The following MTOR variants were observed in gnomAD, a reference collection of about 807,000 sequenced individuals.
The protein encoded by MTOR is mechanistic target of rapamycin kinase.
A neutral mutation model predicts 319.8 loss-of-function variants in MTOR; 70 were observed. The ratio of observed to expected loss-of-function variants is 0.22; its 90% CI spans 0.18 to 0.27. The LOEUF (loss-of-function observed/expected upper bound fraction) is 0.27, where lower values mean the gene tolerates loss of function less well. MTOR is among the 10% of genes least tolerant of loss of function. The pLI is 1.00. For missense variants in MTOR, 1,890 were observed against 3,274.4 expected, an observed-to-expected ratio of 0.58 and a Z score of 10.32; for synonymous variants, 1,183 against 1,211.4, an observed-to-expected ratio of 0.98 and a Z score of 0.49.
rs1289998288 is a variant in MTOR, at chr1:11,115,984, A to T, written c.7017-516T>A. 6.6e-6 allele frequency among the ~76,000 whole-genome samples: 1 copy of T among 152,228 alleles called. No homozygotes were observed. Among genetic ancestry groups the T allele is most frequent in the Non-Finnish European group, 1.5e-5 (1 of 68,044 alleles). Reference sequence around the variant, plus strand: ...CAATCCCGGCAACCACCTGGCTTTTATCAACAGATATTCTGCTAGACTTTT... The same window carrying T: ...CAATCCCGGCAACCACCTGGCTTTTTTCAACAGATATTCTGCTAGACTTTT... On this transcript the variant is annotated intron_variant, in intron 50 of 57. Coordinates refer to ENST00000361445, the MANE Select transcript of MTOR (RefSeq NM_004958.4). This position sits in a 1 kb window ranked among gnomAD's most constrained non-coding sequence, Gnocchi z 4.5.
At chr1:11,207,435 A>T in intron 25 of MTOR, among the ~76,000 whole-genome samples, 16 of 104,736 alleles carry the variant, frequency 1.5e-4, no homozygotes, top group African/African-American at 2.7e-4. Context: ...TTTGAAGAGA[A>T]TCTTGCTCTG....
intron 28 of MTOR, among the ~76,000 whole-genome samples, chr1:11,181,452 G>A (rs578225986): frequency 6.6e-6 from 1 of 152,286 alleles, no homozygotes; most frequent in African/African-American, 2.4e-5. Flanking sequence ...TTGAATCCAG[G>A]AGGCGGAGGT....
At chr1:11,175,110 G>A (rs576232995) in intron 28 of MTOR, among the ~76,000 whole-genome samples, 1 of 152,284 alleles carries the variant, frequency 6.6e-6, no homozygotes, top group South Asian at 2.1e-4. Flanking sequence ...TCCCTAACAT[G>A]GGTGTGGGGT....
intron 49 of MTOR, among the ~76,000 whole-genome samples, chr1:11,119,193 G>T (rs1326324751): frequency 6.6e-6 from 1 of 152,104 alleles, no homozygotes; most frequent in Non-Finnish European, 1.5e-5. Context: ...CACTTTGGGA[G>T]GCTGAGAAGG....
intron 28 of MTOR, chr1:11,195,252 A>C: frequency 2.0e-6 from 1 of 510,828 alleles, no homozygotes; most frequent in Non-Finnish European, 3.5e-6. Flanking sequence ...CATCCTTCTC[A>C]AGGTGGTAGA....
At chr1:11,217,693 G>A (rs556659575) in intron 19 of MTOR, among the ~76,000 whole-genome samples, 1 of 151,204 alleles carries the variant, frequency 6.6e-6, no homozygotes, top group Non-Finnish European at 1.5e-5. Flanking sequence ...TTACAGTCGT[G>A]AGCCACCACG....
intron 28 of MTOR, chr1:11,192,448 T>C: frequency 8.0e-7 from 1 of 1,256,206 alleles, no homozygotes; most frequent in Non-Finnish European, 1.2e-6. Context: ...AACAGGGCCA[T>C]TCACAGTTTA....
chr1:11,126,937 A>G (rs2100399367), intron 45 of MTOR, 73 bp downstream of exon 45: 2 of 1,587,416 alleles, frequency 1.3e-6, no homozygotes, highest in Non-Finnish European at 8.6e-7. Flanking sequence ...AATGAGTGTT[A>G]GAACATTCAT....
At chr1:11,219,147 G>A (rs1054119656) in intron 19 of MTOR, among the ~76,000 whole-genome samples, 1 of 151,994 alleles carries the variant, frequency 6.6e-6, no homozygotes, top group African/African-American at 2.4e-5. Flanking sequence ...CCTCAGAGGT[G>A]AGGTTACAGT....
rs905684057 is a variant in MTOR, at chr1:11,216,130, G to A, written c.3117+18C>T. 5.7e-6 allele frequency: 9 copies of A among 1,589,570 alleles called. No individual in the cohort carries two copies. Among genetic ancestry groups the A allele is most frequent in the African/African-American group, 1.3e-5 (1 of 74,342 alleles). On this transcript the variant is annotated intron_variant, in intron 20 of 57. Transcript: ENST00000361445. ...TGACCCAAACATGGAAGAGGCCAAA[G>A]CATTAACTTCTACTCACTCTCATGA...
At chr1:11,145,854 T>TA (rs1313379493) in intron 32 of MTOR, among the ~76,000 whole-genome samples, 6 of 152,094 alleles carry the variant, frequency 3.9e-5, no homozygotes, top group African/African-American at 1.4e-4. Context: ...TTTATGAAAA[T>TA]AGATTCTGCA....
intron 32 of MTOR, chr1:11,145,348 G>T: frequency 2.6e-6 from 1 of 384,382 alleles, no homozygotes; most frequent in South Asian, 3.3e-5. Context: ...ATGGGTTCTT[G>T]CATCTCAAGA....
chr1:11,206,326 T>G, intron 25 of MTOR, among the ~76,000 whole-genome samples: 1 of 152,200 alleles, frequency 6.6e-6, no homozygotes, highest in South Asian at 2.1e-4. Context: ...TGGGCCTGGG[T>G]AAGGCAGAGA....
In MTOR at chr1:11,238,589, G is replaced by A. The variant is rs2100901812; in HGVS notation, c.1815C>T (p.His605=). 6.2e-7 allele frequency: 1 copy of A among 1,613,180 alleles called. No individual in the cohort carries two copies. The highest frequency in any genetic ancestry group is 1.7e-4 in the Middle Eastern group (1 of 6,060). Residue 605 remains histidine (H), a synonymous_variant, in exon 12 of 58, where the codon CAC becomes CAT. Transcript: ENST00000361445. Reference sequence around the variant, plus strand: ...CACTGTTCAGGAAATGATCCGCACAGTGGCGAACAAATTGGGTCAGAGAGT... The same window carrying A: ...CACTGTTCAGGAAATGATCCGCACAATGGCGAACAAATTGGGTCAGAGAGT... ...EGHSLTQFVR[H]CADHFLNSEH... is the part of the protein sequence containing the mutation.
At chr1:11,218,092 T>C (rs181221853) in intron 19 of MTOR, among the ~76,000 whole-genome samples, 1 of 152,246 alleles carries the variant, frequency 6.6e-6, no homozygotes, top group Non-Finnish European at 1.5e-5. Context: ...CACTACAGTT[T>C]TGTAGTGATT....
chr1:11,260,982 G>C (rs1309986444), intron 1 of MTOR, among the ~76,000 whole-genome samples: 1 of 151,398 alleles, frequency 6.6e-6, no homozygotes, highest in Non-Finnish European at 1.5e-5. Context: ...AGTAGAGATG[G>C]GGTTTTATTA....
In MTOR at chr1:11,259,858, A is replaced by G. The variant is rs1034426991; in HGVS notation, c.-14-435T>C. On this transcript the variant is annotated intron_variant, in intron 1 of 57. Coordinates refer to ENST00000361445, the MANE Select transcript of MTOR (RefSeq NM_004958.4). ...GGCAGGAGAATCCCTTGAACCTGGGAGGTAGAGGCTGCAGTGAGCCGAGAT... is the reference window on the plus strand; with the variant it reads ...GGCAGGAGAATCCCTTGAACCTGGGGGGTAGAGGCTGCAGTGAGCCGAGAT... 4.6e-5 allele frequency among the ~76,000 whole-genome samples: 7 copies of G among 152,234 alleles called. No homozygotes were observed. The South Asian group carries it at 1.5e-3, about 32-fold the overall frequency.
chr1:11,124,774 T>G, intron 46 of MTOR, 141 bp from the exon 47 acceptor site: 1 of 968,296 alleles, frequency 1.0e-6, no homozygotes, highest in Admixed American at 3.0e-5. Context: ...AAAAACAATC[T>G]TTAGAATTAA....
At chr1:11,169,948 C>T (rs977882242) in intron 28 of MTOR, among the ~76,000 whole-genome samples, 1 of 152,172 alleles carries the variant, frequency 6.6e-6, no homozygotes, top group African/African-American at 2.4e-5. Flanking sequence ...TAAGTTAGGA[C>T]TAGGAAGTCA....
Sources: gnomAD v4.1 joint callset for allele counts (sites outside exome capture counted in the v4.1 genomes callset) on GRCh38, gnomAD v4.1.1 for gene constraint, Gnocchi (gnomAD v3.1) non-coding constraint, MANE v1.5 for transcripts, NCBI Gene and HGNC (gene_info 2026-07-23, HGNC 2026-07-21) for gene names.